PTPRD: variants seen among roughly 807,000 people sequenced by gnomAD.
PTPRD encodes receptor-type tyrosine-protein phosphatase delta.
Under a neutral mutation model 214.5 loss-of-function variants are expected in PTPRD, and 34 were observed. The ratio of observed to expected loss-of-function variants is 0.16; its 90% confidence interval spans 0.12 to 0.21. PTPRD has a LOEUF of 0.21. Among genes scored for constraint, PTPRD ranks in the 10% least tolerant of loss-of-function variants. The pLI is 1.00. For missense variants in PTPRD, 2,545 were observed against 2,398.7 expected (o/e 1.06, Z -1.27); for synonymous variants, 1,128 against 845.7 (o/e 1.33, Z -5.79).
intron 11 of PTPRD, among the ~76,000 whole-genome samples, chr9:8,810,649 T>A (rs1375441473): frequency 6.6e-6 from 1 of 152,192 alleles, no homozygotes; most frequent in Non-Finnish European, 1.5e-5. Flanking sequence ...GAAGTAGAGA[T>A]CTGAATTTTT....
chr9:9,968,551 T>G (rs1239081196), intron 4 of PTPRD, among the ~76,000 whole-genome samples: 1 of 152,078 alleles, frequency 6.6e-6, no homozygotes, highest in Non-Finnish European at 1.5e-5. Flanking sequence ...ATGCTGTACT[T>G]TGGGAGAGAA....
In PTPRD at chr9:8,315,645, CT is replaced by C. The variant is rs914144526; in HGVS notation, c.*2228del. 7.9e-5 allele frequency: 18 copies of C among 226,922 alleles called. No homozygotes were observed. The highest frequency in any genetic ancestry group is 1.4e-4 in the Non-Finnish European group (16 of 114,072). 14.1% of individuals were successfully genotyped at this position (226,922 alleles called of 1,614,324 possible). Reference sequence around the variant, plus strand: ...TTTTTTTTAGTATTATATATATTTTCTTTTTTTTCTTTTTCTTTGTTTTTTA... The same window carrying C: ...TTTTTTTTAGTATTATATATATTTTCTTTTTTTCTTTTTCTTTGTTTTTTA... On this transcript the variant is annotated 3_prime_UTR_variant, in exon 46 of 46. Coordinates refer to ENST00000381196, the MANE Select transcript of PTPRD (RefSeq NM_002839.4).
intron 11 of PTPRD, among the ~76,000 whole-genome samples, chr9:8,998,819 T>G (rs894033704): frequency 1.3e-5 from 2 of 151,980 alleles, no homozygotes; most frequent in Non-Finnish European, 2.9e-5. Context: ...AATATCAACA[T>G]TAATAGTTTG....
intron 2 of PTPRD, among the ~76,000 whole-genome samples, chr9:10,553,072 C>A (rs893350170): frequency 6.6e-6 from 1 of 152,142 alleles, no homozygotes; most frequent in Admixed American, 6.5e-5. Context: ...CTGAGCCCAT[C>A]ATAGTGATCA....
intron 5 of PTPRD, among the ~76,000 whole-genome samples, chr9:9,797,894 G>A (rs1276905770): frequency 6.6e-6 from 1 of 152,086 alleles, no homozygotes; most frequent in Non-Finnish European, 1.5e-5. Context: ...ATAAAATTGG[G>A]AAGGAAGTAG....
chr9:8,599,613 C>CCCCTTTTTTTTT (rs2094698008), intron 14 of PTPRD, among the ~76,000 whole-genome samples: 2 of 53,428 alleles, frequency 3.7e-5, no homozygotes, highest in Admixed American at 2.1e-4. Flanking sequence ...CCCGCCCACC[C>CCCCTTTTTTTTT]TTTTTTTTTT....
chr9:8,711,191 T>TCATCA (rs1354572275), intron 12 of PTPRD, among the ~76,000 whole-genome samples: 1 of 152,072 alleles, frequency 6.6e-6, no homozygotes, highest in African/African-American at 2.4e-5. Flanking sequence ...ATAATATATT[T>TCATCA]CATCAGCAAT....
chr9:10,047,361 A>G, intron 3 of PTPRD, among the ~76,000 whole-genome samples: 1 of 121,200 alleles, frequency 8.3e-6, no homozygotes, highest in East Asian at 4.1e-4. Context: ...TGCTTGTGTG[A>G]TAATGCCTGT....
chr9:8,581,448 G>A (rs2093077486), intron 14 of PTPRD, among the ~76,000 whole-genome samples: 1 of 152,066 alleles, frequency 6.6e-6, no homozygotes. Context: ...ACATCATAAA[G>A]AAAGAAAAGG....
At chr9:8,893,927 A>G (rs1412575898) in intron 11 of PTPRD, among the ~76,000 whole-genome samples, 1 of 144,330 alleles carries the variant, frequency 6.9e-6, no homozygotes, top group African/African-American at 2.5e-5. Context: ...TAATGAATAC[A>G]TCTGCATATG....
intron 11 of PTPRD, among the ~76,000 whole-genome samples, chr9:8,742,340 C>G (rs1277877117): frequency 6.6e-6 from 1 of 151,962 alleles, no homozygotes; most frequent in Non-Finnish European, 1.5e-5. Flanking sequence ...TATGCATTAC[C>G]TCATATAGTT....
At chr9:9,557,106 G>C (rs566598487) in intron 8 of PTPRD, among the ~76,000 whole-genome samples, 2 of 152,256 alleles carry the variant, frequency 1.3e-5, no homozygotes, top group Non-Finnish European at 1.5e-5. Flanking sequence ...AATTGTCTGG[G>C]TTTCATTGCC....
At chr9:8,576,521 T>C (rs150047624) in intron 14 of PTPRD, among the ~76,000 whole-genome samples, 155 of 151,408 alleles carry the variant, frequency 1.0e-3, no homozygotes, top group African/African-American at 3.6e-3. Context: ...CAGGTTAAGG[T>C]CATAATAATT....
chr9:9,513,172 T>C (rs2154247011), intron 8 of PTPRD, among the ~76,000 whole-genome samples: 2 of 152,052 alleles, frequency 1.3e-5, no homozygotes, highest in East Asian at 3.9e-4. Flanking sequence ...GGCCACAGTC[T>C]TTTCAAGGGA....
chr9:8,762,745 A>C (rs2094488214), intron 11 of PTPRD, among the ~76,000 whole-genome samples: 1 of 152,178 alleles, frequency 6.6e-6, no homozygotes, highest in African/African-American at 2.4e-5. Flanking sequence ...CAGTTAACCC[A>C]TAGGAAAAAC....
At chr9:9,941,032 A>T (rs2091314405) in intron 4 of PTPRD, among the ~76,000 whole-genome samples, 2 of 152,180 alleles carry the variant, frequency 1.3e-5, no homozygotes, top group African/African-American at 4.8e-5. Context: ...CTTGGGCTAC[A>T]CATAAGATAC....
chr9:10,063,014 A>T (rs1230832810), intron 3 of PTPRD, among the ~76,000 whole-genome samples: 1 of 152,114 alleles, frequency 6.6e-6, no homozygotes, highest in Non-Finnish European at 1.5e-5. Flanking sequence ...GACTGTGGAA[A>T]CAGAACACCA....
intron 5 of PTPRD, among the ~76,000 whole-genome samples, chr9:9,917,331 G>C (rs1348668388): frequency 2.2e-5 from 1 of 45,930 alleles, no homozygotes; most frequent in East Asian, 4.9e-4. Context: ...AAAGAGAGTA[G>C]ACCTAAATAA....
intron 35 of PTPRD, among the ~76,000 whole-genome samples, chr9:8,409,419 T>A (rs2093335377): frequency 6.6e-6 from 1 of 152,142 alleles, no homozygotes; most frequent in African/African-American, 2.4e-5. Context: ...TTTCAACTAT[T>A]CTCTTGAAAC....
Sources: gnomAD v4.1 joint callset for allele counts (sites outside exome capture counted in the v4.1 genomes callset) on GRCh38, gnomAD v4.1.1 for gene constraint, MANE v1.5 for transcripts, NCBI Gene and HGNC (gene_info 2026-07-23, HGNC 2026-07-21) for gene names.